PLEKHA7: variants seen among roughly 807,000 people sequenced by gnomAD.
PLEKHA7 encodes the protein pleckstrin homology domain containing A7, also known as pleckstrin homology domain-containing family A member 7.
Under a neutral mutation model 170.0 loss-of-function variants are expected in PLEKHA7, and 104 were observed. The ratio of observed to expected loss-of-function variants is 0.61; its 90% CI spans 0.52 to 0.72. PLEKHA7 has a LOEUF of 0.72. Among genes scored for constraint, PLEKHA7 ranks in the 30% least tolerant of loss-of-function variants. The probability of loss-of-function intolerance (pLI) is 0.00; values close to 1 mark genes in which losing one functional copy is unlikely to be tolerated. For synonymous variants in PLEKHA7, 648 were observed against 660.8 expected (o/e 0.98, Z 0.30); for missense variants, 1,615 against 1,671.7 (o/e 0.97, Z 0.59).
intron 3 of PLEKHA7, among the ~76,000 whole-genome samples, chr11:16,890,787 T>TA (rs1357928259): frequency 6.6e-6 from 1 of 152,234 alleles, no homozygotes; most frequent in African/African-American, 2.4e-5. Flanking sequence ...TACATTGTTT[T>TA]AAAATTAATG....
chr11:16,799,903 T>C (rs1463552795), intron 17 of PLEKHA7, among the ~76,000 whole-genome samples: 1 of 152,156 alleles, frequency 6.6e-6, no homozygotes, highest in Non-Finnish European at 1.5e-5. Flanking sequence ...GAACCATCTC[T>C]GCATGAATAG....
intron 3 of PLEKHA7, among the ~76,000 whole-genome samples, chr11:16,997,908 A>T (rs1158365348): frequency 6.6e-6 from 1 of 152,202 alleles, no homozygotes; most frequent in Non-Finnish European, 1.5e-5. Flanking sequence ...TCCACGGCAC[A>T]GCCTGTCACA....
chr11:16,925,826 GCCGTTCGGCCAGGACGGC>G (rs1565122960), intron 3 of PLEKHA7, among the ~76,000 whole-genome samples: 3 of 152,274 alleles, frequency 2.0e-5, no homozygotes, highest in African/African-American at 7.2e-5. Context: ...CCCAGGTGCT[GCCGTTCGGCCAGGACGGC>G]GCGTCCGAGC....
chr11:16,988,684 C>T (rs112294876), intron 3 of PLEKHA7, among the ~76,000 whole-genome samples: 212 of 152,274 alleles, frequency 1.4e-3, no homozygotes, highest in African/African-American at 4.9e-3. Flanking sequence ...GACCTCAGGT[C>T]ATCCACCCAC....
At chr11:16,973,353 C>T (rs919966554) in intron 3 of PLEKHA7, among the ~76,000 whole-genome samples, 4 of 152,184 alleles carry the variant, frequency 2.6e-5, no homozygotes, top group Non-Finnish European at 1.5e-5. Flanking sequence ...AAGTAAAGGG[C>T]CACCAACACA....
intron 3 of PLEKHA7, among the ~76,000 whole-genome samples, chr11:16,872,369 T>C (rs1175545391): frequency 1.3e-5 from 2 of 152,214 alleles, no homozygotes; most frequent in Non-Finnish European, 2.9e-5. Context: ...AATTTTCTTC[T>C]ACTTAAAAAG....
rs191228636 is a variant in PLEKHA7 at position 16,991,706 on chromosome 11, C to T, written c.221+22283G>A. ...AAGATGACGTGGGCCTCATGGGCCA[C>T]GAAGGATTCTGGAGTCCACTTTGTA... On this transcript the variant is annotated intron_variant, in intron 3 of 26. Transcript: ENST00000531066. Among the ~76,000 whole-genome samples, 38 of 152,212 alleles carry T rather than the reference C, an allele frequency of 2.5e-4. 1 individual carries two copies. The highest frequency in any genetic ancestry group is 7.7e-4 in the East Asian group (4 of 5,178).
At chr11:16,937,192 G>T (rs911383831) in intron 3 of PLEKHA7, among the ~76,000 whole-genome samples, 9 of 152,130 alleles carry the variant, frequency 5.9e-5, no homozygotes, top group Admixed American at 4.6e-4. Context: ...AAAGGGCCTT[G>T]ATTTCCTGGG....
chr11:16,820,237 C>A (rs537154873), intron 10 of PLEKHA7, among the ~76,000 whole-genome samples: 8 of 152,302 alleles, frequency 5.3e-5, no homozygotes, highest in Admixed American at 2.0e-4. Context: ...TAAAACTCAA[C>A]TCATTTAATC....
At chr11:16,908,140 G>A in intron 3 of PLEKHA7, among the ~76,000 whole-genome samples, 1 of 151,252 alleles carries the variant, frequency 6.6e-6, no homozygotes, top group Non-Finnish European at 1.5e-5. Context: ...GGGCCGCAGG[G>A]TCCTCTGCCT....
chr11:16,999,041 C>G (rs1174636602), intron 3 of PLEKHA7, among the ~76,000 whole-genome samples: 2 of 152,078 alleles, frequency 1.3e-5, no homozygotes, highest in East Asian at 3.9e-4. Flanking sequence ...TCAACCAACA[C>G]ACACCTATTT....
At chr11:16,784,410 AT>A (rs1342624635) in intron 24 of PLEKHA7, among the ~76,000 whole-genome samples, 4 of 152,218 alleles carry the variant, frequency 2.6e-5, no homozygotes, top group East Asian at 1.9e-4. Context: ...TAATGGATAA[AT>A]GGATGATTGA....
chr11:16,865,568 A>G (rs531952591), intron 4 of PLEKHA7, among the ~76,000 whole-genome samples: 28 of 92,340 alleles, frequency 3.0e-4, no homozygotes, highest in Non-Finnish European at 7.0e-4. Flanking sequence ...TACTAAAAAT[A>G]CAAAAATTAG....
chr11:16,826,697 C>T, intron 9 of PLEKHA7, 107 bp from the exon 10 acceptor site: 1 of 989,476 alleles, frequency 1.0e-6, no homozygotes, highest in Non-Finnish European at 1.5e-6. Context: ...ATTCCCTCTG[C>T]TCAGAACGCC....
chr11:16,990,287 A>AAAAAAAAAAAAAAAAACC (rs1554992439), intron 3 of PLEKHA7, among the ~76,000 whole-genome samples: 8 of 111,280 alleles, frequency 7.2e-5, no homozygotes, highest in East Asian at 3.4e-4. Flanking sequence ...AAAAAAAAAA[A>AAAAAAAAAAAAAAAAACC]AAAAAAAAAA....
intron 3 of PLEKHA7, among the ~76,000 whole-genome samples, chr11:16,947,481 C>G (rs1303701064): frequency 1.3e-5 from 2 of 151,696 alleles, no homozygotes; most frequent in African/African-American, 4.8e-5. Flanking sequence ...ATCCCAGCTA[C>G]TCAGGAGGCT....
At chr11:16,945,164 G>T (rs113549924) in intron 3 of PLEKHA7, among the ~76,000 whole-genome samples, 17,313 of 152,116 alleles carry the variant, frequency 0.11, 1,293 homozygotes, top group South Asian at 0.29. Context: ...TCAAACTCCT[G>T]ACCTTAAGTG....
intron 3 of PLEKHA7, among the ~76,000 whole-genome samples, chr11:16,996,206 T>G (rs1161379709): frequency 6.6e-6 from 1 of 152,228 alleles, no homozygotes; most frequent in East Asian, 1.9e-4. Flanking sequence ...TACCTCATTT[T>G]ACAGAGGTTA....
At chr11:16,987,302 G>A (rs887619731) in intron 3 of PLEKHA7, among the ~76,000 whole-genome samples, 9 of 128,938 alleles carry the variant, frequency 7.0e-5, no homozygotes, top group South Asian at 2.5e-4. Flanking sequence ...GCCTGGCTCC[G>A]CCCCCCAGAA....
Sources: allele counts gnomAD v4.1 joint callset (sites outside exome capture counted in the v4.1 genomes callset), GRCh38; gene constraint gnomAD v4.1.1; transcripts MANE v1.5; gene names NCBI Gene and HGNC (gene_info 2026-07-23, HGNC 2026-07-21).